The following EFHB variants were observed in gnomAD, a reference collection of about 807,000 sequenced individuals.
EFHB encodes the protein EF-hand domain family member B, also known as EF-hand domain-containing family member B.
A neutral mutation model predicts 87.2 loss-of-function variants in EFHB; 91 were observed. The observed-to-expected ratio is 1.04, with a 90% CI of 0.88 to 1.24. The LOEUF (loss-of-function observed/expected upper bound fraction) is 1.24. EFHB is among the 50% of genes most tolerant of loss of function. The pLI is 0.00. For missense variants in EFHB, 1,084 were observed against 998.8 expected (o/e 1.09, Z -1.15); for synonymous variants, 325 against 333.6 (o/e 0.97, Z 0.28).
At chr3:19,921,632 T>C (rs984684915) in intron 1 of EFHB, among the ~76,000 whole-genome samples, 1 of 152,128 alleles carries the variant, frequency 6.6e-6, no homozygotes, top group Admixed American at 6.5e-5. Flanking sequence ...AGCCCAGTCT[T>C]AATGCTGTAT....
At chr3:19,936,409 C>A, upstream of EFHB, 1 of 491,938 alleles carries the variant, frequency 2.0e-6, no homozygotes, top group Non-Finnish European at 3.6e-6. Flanking sequence ...CAAAAAATTT[C>A]AAAAATCAGC....
intron 3 of EFHB, among the ~76,000 whole-genome samples, 168 bp downstream of exon 3, chr3:19,919,664 CT>C (rs140059693): frequency 6.6e-6 from 1 of 151,854 alleles, no homozygotes; most frequent in East Asian, 1.9e-4. Context: ...TGCTGCTTGG[CT>C]TTTTTTTACT....
At chr3:19,925,296 C>T (rs187090781) in intron 1 of EFHB, among the ~76,000 whole-genome samples, 219 of 151,826 alleles carry the variant, frequency 1.4e-3, no homozygotes, top group Middle Eastern at 3.4e-3. Flanking sequence ...CAAACACCCC[C>T]GCACACTTGC....
chr3:19,933,247 T>A lies in EFHB; in HGVS notation c.772A>T (p.Thr258Ser), dbSNP rs137877818. The A allele has an allele frequency of 1.2e-6, 2 of 1,612,788 alleles. No homozygotes were observed. Among genetic ancestry groups the A allele is most frequent in the Non-Finnish European group, 1.7e-6 (2 of 1,179,104 alleles). The change falls in exon 1 of 13, where the codon ACC becomes TCC. Residue 258 changes from threonine to serine, a missense_variant. Physicochemically the swap from Thr to Ser is moderately conservative, Grantham distance 58. Coordinates refer to ENST00000295824, the MANE Select transcript of EFHB (RefSeq NM_144715.4). The stretch of plus-strand genomic sequence containing the variant: ...AAACTTACACTTGGCCAGCAAGGGG[T>A]CCGATCAAAAAACTTCCCAGAGTAT... ...PIYSGKFFDR[T>S]PCWPSAGKVI...
chr3:19,897,861 C>G (rs1694540763), intron 8 of EFHB, among the ~76,000 whole-genome samples: 1 of 152,148 alleles, frequency 6.6e-6, no homozygotes, highest in Admixed American at 6.5e-5. Context: ...AATGATGCTC[C>G]AAACCACTGT....
At chr3:19,924,547 C>T (rs1224405074) in intron 1 of EFHB, among the ~76,000 whole-genome samples, 1 of 152,160 alleles carries the variant, frequency 6.6e-6, no homozygotes, top group Non-Finnish European at 1.5e-5. Context: ...TATGTATTTA[C>T]ATCCCTATGT....
chr3:19,902,176 A>G (rs1362415088), intron 6 of EFHB, among the ~76,000 whole-genome samples: 1 of 152,162 alleles, frequency 6.6e-6, no homozygotes, highest in East Asian at 1.9e-4. Context: ...CAACTCAGAT[A>G]AAGCTCTTTG....
At chr3:19,887,382 CAAA>C (rs532733257) in intron 10 of EFHB, among the ~76,000 whole-genome samples, 26,165 of 95,130 alleles carry the variant, frequency 0.28, 3,302 homozygotes, top group African/African-American at 0.49. Flanking sequence ...AAGACCCTAT[CAAA>C]AAAAAAAAAA....
intron 5 of EFHB, among the ~76,000 whole-genome samples, chr3:19,908,709 T>C (rs896310828): frequency 6.6e-6 from 1 of 152,098 alleles, no homozygotes; most frequent in African/African-American, 2.4e-5. Flanking sequence ...ATATTGTATA[T>C]TTCTGTATAG....
At chr3:19,909,900 A>C (rs534147022) in intron 5 of EFHB, among the ~76,000 whole-genome samples, 33 of 152,044 alleles carry the variant, frequency 2.2e-4, no homozygotes, top group African/African-American at 8.0e-4. Flanking sequence ...AGCATTCATC[A>C]CCTGCTAACC....
upstream of EFHB, among the ~76,000 whole-genome samples, chr3:19,936,907 AT>A (rs1559478947): frequency 6.0e-5 from 9 of 150,356 alleles, no homozygotes; most frequent in South Asian, 2.1e-4. Context: ...AAATAAATAA[AT>A]AAATAAAAAG....
rs1553629698 is a variant in EFHB at position 19,894,989 on chromosome 3, A to AATATATATATATATATATAT, written c.1725+1697_1725+1698insATATATATATATATATATAT. 4.0e-3 allele frequency: 580 copies of AATATATATATATATATATAT among 144,416 alleles called. 6 individuals carry two copies. The highest frequency in any genetic ancestry group is 0.014 in the African/African-American group (537 of 37,724). 8.9% of individuals were successfully genotyped at this position (144,416 alleles called of 1,614,324 possible). A position where few individuals can be genotyped will look rare whatever the true frequency, so the allele number is the denominator to read the frequency against. ...ACAAGAGCAAGACTTTGTCTCAAAA[A>AATATATATATATATATATAT]ATATATATATGTATATATAAAAATA... On this transcript the variant is annotated intron_variant, in intron 9 of 12. Transcript: ENST00000295824.
Position 19,896,820 on chromosome 3 carries a change from T to C in EFHB, c.1592A>G (p.Asn531Ser), listed in dbSNP as rs761068516. Residue 531 changes from asparagine to serine, a missense_variant, in exon 9 of 13, where the codon AAT becomes AGT. Transcript: ENST00000295824. ...EEYGVGDLIH[N>S]RLPDEYLRGK... The stretch of plus-strand genomic sequence containing the variant: ...TCGAAGATATTCATCCGGAAGTCTA[T>C]TATGGATGAGATCACCAACTCCTAT... 3 of 1,613,326 alleles carry C rather than the reference T, an allele frequency of 1.9e-6. No homozygotes were observed. Among genetic ancestry groups the C allele is most frequent in the Non-Finnish European group, 2.5e-6 (3 of 1,179,478 alleles).
In EFHB at chr3:19,898,798, C is replaced by A; in HGVS notation, c.1550G>T (p.Cys517Phe). Residue 517 changes from cysteine (C) to phenylalanine (F), a missense_variant, in exon 8 of 13, where the codon TGT (cysteine) becomes TTT (phenylalanine). Cys to Phe is a radical substitution (Grantham distance 205, BLOSUM62 -2). Transcript: ENST00000295824. ...NVPPDCTFGACLRPEEYGVGD... is the reference protein window; with the variant it reads ...NVPPDCTFGAFLRPEEYGVGD... ...TTTACCATATTCCTCAGGACGGAGA[C>A]AAGCTCCAAATGTGCAGTCTGGGGG... 1 of 1,613,736 alleles carries A rather than the reference C, an allele frequency of 6.2e-7. No individual in the cohort carries two copies. Among genetic ancestry groups the A allele is most frequent in the Admixed American group, 1.7e-5 (1 of 59,976 alleles).
chr3:19,935,971 C>T (rs564781861), upstream of EFHB, among the ~76,000 whole-genome samples: 2 of 143,574 alleles, frequency 1.4e-5, no homozygotes, highest in African/African-American at 5.3e-5. Context: ...GATCACACCA[C>T]TGCACTCCAG....
At position 19,915,309 on chromosome 3, in the gene EFHB, A is replaced by G. The variant is rs139478971; in HGVS notation, c.1282T>C (p.Tyr428His). 1.6e-5 allele frequency: 25 copies of G among 1,609,316 alleles called. No homozygotes were observed. The African/African-American group carries it at 3.2e-4, about 21-fold the overall frequency. ...TGCATCGGAGGACACTTACCTGCAT[A>G]ATAATCATTGTGAGAAACAACATAC... is the stretch of plus-strand genomic sequence containing the variant. ...DLYVVSHNDY[Y>H]AGEAKNRKYN... Residue 428 changes from tyrosine to histidine, a missense_variant, in exon 5 of 13, where the codon TAT (tyrosine) becomes CAT (histidine). Coordinates refer to ENST00000295824, the MANE Select transcript of EFHB (RefSeq NM_144715.4).
intron 5 of EFHB, among the ~76,000 whole-genome samples, chr3:19,911,226 T>G (rs1695051528): frequency 6.6e-6 from 1 of 152,090 alleles, no homozygotes; most frequent in Non-Finnish European, 1.5e-5. Flanking sequence ...AATTCAAAAT[T>G]CTATCAGGTA....
In EFHB at chr3:19,884,506, T is replaced by C; in HGVS notation, c.2043A>G (p.Glu681=). 6.2e-7 allele frequency: 1 copy of C among 1,614,020 alleles called. No homozygotes were observed. Among genetic ancestry groups the C allele is most frequent in the Non-Finnish European group, 8.5e-7 (1 of 1,179,892 alleles). The part of the protein sequence containing the change: ...DIVLKEAGST[E]KTLRTLLRPS... The stretch of plus-strand genomic sequence containing the variant: ...GTCTCAGAAGTGTCCGGAGAGTCTT[T>C]TCTGTGCTTCCTGCTTCTTTTAAGA... Residue 681 remains glutamate (E), a synonymous_variant, in exon 11 of 13, where the codon GAA becomes GAG. Coordinates refer to ENST00000295824, the MANE Select transcript of EFHB (RefSeq NM_144715.4).
At chr3:19,900,477 A>C (rs1223104396) in intron 6 of EFHB, among the ~76,000 whole-genome samples, 1 of 152,206 alleles carries the variant, frequency 6.6e-6, no homozygotes, top group Non-Finnish European at 1.5e-5. Context: ...ACTTTGGCAA[A>C]AAAATATGGT....
Sources: gnomAD v4.1 joint callset for allele counts (sites outside exome capture counted in the v4.1 genomes callset) on GRCh38, gnomAD v4.1.1 for gene constraint, MANE v1.5 for transcripts, NCBI Gene and HGNC (gene_info 2026-07-23, HGNC 2026-07-21) for gene names.